CACNG8: variants seen among roughly 807,000 people sequenced by gnomAD.
CACNG8 encodes the protein calcium voltage-gated channel auxiliary subunit gamma 8.
In CACNG8, 5 loss-of-function variants were observed where a neutral mutation model predicts 26.9. The ratio of observed to expected loss-of-function variants is 0.19; its 90% CI spans 0.10 to 0.39. The LOEUF (loss-of-function observed/expected upper bound fraction) is 0.39. CACNG8 is among the 10% of genes least tolerant of loss of function. The probability of loss-of-function intolerance (pLI) is 1.00; values close to 1 mark genes in which losing one functional copy is unlikely to be tolerated. For missense variants in CACNG8, 473 were observed against 609.4 expected (o/e 0.78, Z 2.36); for synonymous variants, 321 against 296.7 (o/e 1.08, Z -0.84).
chr19:53,967,611 G>A (rs929274630), intron 1 of CACNG8, among the ~76,000 whole-genome samples: 1 of 152,158 alleles, frequency 6.6e-6, no homozygotes, highest in Non-Finnish European at 1.5e-5. Context: ...AAAGCAGGCG[G>A]ATCACCTGAG....
chr19:53,974,072 T>C (rs58947143), intron 1 of CACNG8, among the ~76,000 whole-genome samples: 2,450 of 152,270 alleles, frequency 0.016, 70 homozygotes, highest in African/African-American at 0.055. Context: ...ACTCTTTTCG[T>C]CTTGCAAAAT....
At chr19:53,970,021 G>A (rs1371022008) in intron 1 of CACNG8, among the ~76,000 whole-genome samples, 1 of 147,220 alleles carries the variant, frequency 6.8e-6, no homozygotes, top group Non-Finnish European at 1.5e-5. Flanking sequence ...GTAACCCCAG[G>A]TAATCAGGAG....
intron 2 of CACNG8, 89 bp from the exon 3 acceptor site, chr19:53,979,778 C>G: frequency 1.4e-6 from 2 of 1,405,668 alleles, no homozygotes; most frequent in Non-Finnish European, 1.9e-6. Flanking sequence ...CGGGAGGCGC[C>G]GCGAGATGGG....
intron 3 of CACNG8, among the ~76,000 whole-genome samples, chr19:53,980,914 G>C (rs111502701): frequency 6.6e-6 from 1 of 152,294 alleles, no homozygotes; most frequent in African/African-American, 2.4e-5. Context: ...AGAGCAGGGT[G>C]TGCTTTGGGG....
rs1206827089 is a variant in CACNG8, at chr19:53,984,365, G to C, written c.*1516G>C. 6.6e-6 allele frequency: 1 copy of C among 152,284 alleles called. No individual in the cohort carries two copies. Among genetic ancestry groups the C allele is most frequent in the East Asian group, 1.9e-4 (1 of 5,190 alleles). The allele number at this position is 152,284 out of a possible 1,614,324, so 9.4% of individuals were successfully genotyped here. A position where few individuals can be genotyped will look rare whatever the true frequency, so the allele number is the denominator to read the frequency against. On this transcript the variant is annotated 3_prime_UTR_variant, in exon 4 of 4. Coordinates refer to ENST00000270458, the MANE Select transcript of CACNG8 (RefSeq NM_031895.6). ...GGTGCTGGAACCCGGACCACCGTGG[G>C]TACCGTGGCACACGGTGGACAGAGT...
chr19:53,980,272 G>A (rs904007346), intron 3 of CACNG8, among the ~76,000 whole-genome samples: 1 of 152,066 alleles, frequency 6.6e-6, no homozygotes, highest in Non-Finnish European at 1.5e-5. Context: ...TGTCTGGCGC[G>A]TAAGACGCCG....
chr19:53,982,739 C>T lies in CACNG8; in HGVS notation c.1168C>T (p.Pro390Ser). Residue 390 changes from proline to serine, a missense_variant, in exon 4 of 4, where the codon CCG becomes TCG. This residue lies in a region of CACNG8 where 212 missense variants were observed against 214.4 expected (regional missense o/e 0.99). Coordinates refer to ENST00000270458, the MANE Select transcript of CACNG8 (RefSeq NM_031895.6). The surrounding 1 kb of genome is among the most constrained non-coding windows in gnomAD (Gnocchi z 8.4). ...GGTCACGGTCACCGGGCCGCCCGCCCCGCCCGCGCCCGCGCCACCCGCGCC... is the reference window on the plus strand; with the variant it reads ...GGTCACGGTCACCGGGCCGCCCGCCTCGCCCGCGCCCGCGCCACCCGCGCC... 1 of 1,195,326 alleles carries T rather than the reference C, an allele frequency of 8.4e-7. No individual in the cohort carries two copies. The highest frequency in any genetic ancestry group is 1.0e-6 in the Non-Finnish European group (1 of 970,098). The allele number at this position is 1,195,326 out of a possible 1,614,324, so 74.0% of individuals were successfully genotyped here.
At position 53,963,385 on chromosome 19, in the gene CACNG8, C is replaced by T; in HGVS notation, c.243C>T (p.Gly81=). ...CCTCGGAGAAGAAGGACCCCGGCGG[C>T]CTCACGCACTCGGGCCTCTGGAGGA... Residue 81 remains glycine, a synonymous_variant, in exon 1 of 4, where the codon GGC becomes GGT. Coordinates refer to ENST00000270458, the MANE Select transcript of CACNG8 (RefSeq NM_031895.6). 6.3e-7 allele frequency: 1 copy of T among 1,580,770 alleles called. No homozygotes were observed. Among genetic ancestry groups the T allele is most frequent in the Non-Finnish European group, 8.5e-7 (1 of 1,171,458 alleles).
chr19:53,977,650 A>T (rs2069337746), intron 1 of CACNG8, among the ~76,000 whole-genome samples: 1 of 152,138 alleles, frequency 6.6e-6, no homozygotes, highest in African/African-American at 2.4e-5. Context: ...TCTTCTCACA[A>T]CTGGACTCCA....
intron 1 of CACNG8, among the ~76,000 whole-genome samples, chr19:53,972,893 G>A (rs1035747403): frequency 2.6e-5 from 4 of 152,078 alleles, no homozygotes; most frequent in Admixed American, 6.6e-5. Flanking sequence ...CTCCCAAACC[G>A]AGCTGTGCTG....
At chr19:53,971,083 G>T (rs2069300015) in intron 1 of CACNG8, among the ~76,000 whole-genome samples, 1 of 151,960 alleles carries the variant, frequency 6.6e-6, no homozygotes, top group Non-Finnish European at 1.5e-5. Context: ...CGTGAGGTCG[G>T]GAGTTGGAGA....
At chr19:53,980,079 T>TACGCGC in intron 3 of CACNG8, 72 bp downstream of exon 3, 1 of 1,419,594 alleles carries the variant, frequency 7.0e-7, no homozygotes, top group Non-Finnish European at 9.4e-7. Flanking sequence ...TGTGTGTGTG[T>TACGCGC]GTGTGTGCGC....
At position 53,967,816 on chromosome 19, in the gene CACNG8, CAG is replaced by C. The variant is rs200537812; in HGVS notation, c.283+4399_283+4400del. 8.3e-4 allele frequency among the ~76,000 whole-genome samples: 127 copies of C among 152,134 alleles called. 2 individuals carry two copies. The East Asian group carries it at 0.024, about 28-fold the overall frequency. Reference sequence around the variant, plus strand: ...CATCACTGCACTCTAGCCTGGGCAACAGAGAGAGACTCTAAGAAAAAAAAACT... The same window carrying C: ...CATCACTGCACTCTAGCCTGGGCAACAGAGAGACTCTAAGAAAAAAAAACT... On this transcript the variant is annotated intron_variant, in intron 1 of 3. Transcript: ENST00000270458.
intron 1 of CACNG8, among the ~76,000 whole-genome samples, chr19:53,964,261 C>G (rs2069260139): frequency 6.6e-6 from 1 of 151,734 alleles, no homozygotes; most frequent in Non-Finnish European, 1.5e-5. Context: ...TTTCACGGCC[C>G]AGTCTTCCGG....
chr19:53,969,329 A>C (rs2069288672), intron 1 of CACNG8, among the ~76,000 whole-genome samples: 1 of 152,096 alleles, frequency 6.6e-6, no homozygotes, highest in African/African-American at 2.4e-5. Context: ...CCATTCTAAA[A>C]GAAGAAGTGA....
chr19:53,979,781 G>A, intron 2 of CACNG8, 86 bp from the exon 3 acceptor site: 1 of 1,420,304 alleles, frequency 7.0e-7, no homozygotes, highest in Non-Finnish European at 9.4e-7. Flanking sequence ...GAGGCGCCGC[G>A]AGATGGGGGG....
Position 53,979,937 on chromosome 19 carries a change from G to T in CACNG8, c.438G>T (p.Val146=), listed in dbSNP as rs747029560. Residue 146 remains valine (V), a synonymous_variant, in exon 3 of 4, where the codon GTG becomes GTT. Coordinates refer to ENST00000270458, the MANE Select transcript of CACNG8 (RefSeq NM_031895.6). ...TGCTGCTGCTCGGGGGTGTGTGCGT[G>T]GCGGCCTCCCGCGTCTACAAGTCCA... is the stretch of plus-strand genomic sequence containing the variant. 1.9e-6 allele frequency: 3 copies of T among 1,613,328 alleles called. No individual in the cohort carries two copies. The highest frequency in any genetic ancestry group is 2.5e-6 in the Non-Finnish European group (3 of 1,179,636).
chr19:53,978,004 C>A (rs1029470616), intron 1 of CACNG8, 142 bp from the exon 2 acceptor site: 1 of 610,996 alleles, frequency 1.6e-6, no homozygotes, highest in Non-Finnish European at 3.0e-6. Context: ...ACGAGTCGGG[C>A]TCAGGAGCCA....
chr19:53,964,330 G>A (rs569348437), intron 1 of CACNG8, among the ~76,000 whole-genome samples: 3 of 150,528 alleles, frequency 2.0e-5, no homozygotes, highest in Admixed American at 1.3e-4. Flanking sequence ...GCCTTAACTC[G>A]CCCTCACTCA....
Sources: gnomAD v4.1 joint callset for allele counts (sites outside exome capture counted in the v4.1 genomes callset) on GRCh38, gnomAD v4.1.1 for gene constraint, gnomAD v4.1.1 regional missense constraint, Gnocchi (gnomAD v3.1) non-coding constraint, MANE v1.5 for transcripts, NCBI Gene and HGNC (gene_info 2026-07-23, HGNC 2026-07-21) for gene names.